XKR4: variants seen among roughly 807,000 people sequenced by gnomAD.
XKR4 encodes XK related 4, also known as XK-related protein 4.
XKR4 carries 12 observed loss-of-function variants against 53.9 expected under a neutral mutation model. The observed-to-expected ratio is 0.22, with a 90% CI of 0.14 to 0.36. The LOEUF (loss-of-function observed/expected upper bound fraction) is 0.36, where lower values mean the gene tolerates loss of function less well. Ranked by LOEUF, XKR4 falls within the 10% of genes least tolerant of loss-of-function variation. The pLI, the probability that XKR4 is intolerant of heterozygous loss-of-function variation, is 1.00. For missense variants in XKR4, 799 were observed against 859.5 expected (o/e 0.93, Z 0.88); for synonymous variants, 354 against 362.4 (o/e 0.98, Z 0.26).
At chr8:55,463,891 T>A (rs994884274) in intron 2 of XKR4, among the ~76,000 whole-genome samples, 1 of 152,060 alleles carries the variant, frequency 6.6e-6, no homozygotes, top group Non-Finnish European at 1.5e-5. Flanking sequence ...ATGGATAAAT[T>A]CCTCGACACA....
rs1268920974 is a variant in XKR4, at chr8:55,296,889, A to T, written c.807-60789A>T. On this transcript the variant is annotated intron_variant, in intron 1 of 2. Coordinates refer to ENST00000327381, the MANE Select transcript of XKR4 (RefSeq NM_052898.2). ...AAAAGAAATAACAAAATTGTATATTATACAAGAAAGAATAAGGGCCATCAG... is the reference window on the plus strand; with the variant it reads ...AAAAGAAATAACAAAATTGTATATTTTACAAGAAAGAATAAGGGCCATCAG... 7.9e-5 allele frequency among the ~76,000 whole-genome samples: 12 copies of T among 152,346 alleles called. No individual in the cohort carries two copies. The South Asian group carries it at 1.4e-3, about 18-fold the overall frequency.
chr8:55,376,933 TACAC>T (rs1804159791), intron 2 of XKR4, among the ~76,000 whole-genome samples: 1 of 135,922 alleles, frequency 7.4e-6, no homozygotes. Context: ...CCCCTCTCCA[TACAC>T]ACACACAAAC....
At chr8:55,228,579 G>GA (rs147518813) in intron 1 of XKR4, among the ~76,000 whole-genome samples, 86 of 148,076 alleles carry the variant, frequency 5.8e-4, no homozygotes, top group Admixed American at 1.3e-3. Context: ...TCCCCACAAA[G>GA]AAAAAAAAAA....
At chr8:55,448,446 C>A (rs1301171726) in intron 2 of XKR4, among the ~76,000 whole-genome samples, 2 of 152,196 alleles carry the variant, frequency 1.3e-5, no homozygotes, top group African/African-American at 2.4e-5. Context: ...TCCAGGCAAA[C>A]CCATGCTACT....
chr8:55,342,436 C>T (rs993648936), intron 1 of XKR4, among the ~76,000 whole-genome samples: 1 of 152,138 alleles, frequency 6.6e-6, no homozygotes, highest in Non-Finnish European at 1.5e-5. Flanking sequence ...ATGTTGGCCT[C>T]ACTGTGCTCC....
intron 1 of XKR4, among the ~76,000 whole-genome samples, chr8:55,162,306 C>T (rs1404401277): frequency 1.3e-5 from 2 of 152,170 alleles, no homozygotes; most frequent in Admixed American, 1.3e-4. Context: ...CCAGCACTGT[C>T]CAGCACTGTG....
chr8:55,523,329 C>T lies in XKR4; in HGVS notation c.1055C>T (p.Ser352Phe), dbSNP rs1194524532. 1 of 1,614,022 alleles carries T rather than the reference C, an allele frequency of 6.2e-7. No homozygotes were observed. The highest frequency in any genetic ancestry group is 8.5e-7 in the Non-Finnish European group (1 of 1,179,910). Residue 352 changes from serine (S) to phenylalanine (F), a missense_variant, in exon 3 of 3, where the codon TCC becomes TTC. Physicochemically the swap from Ser to Phe is radical, Grantham distance 155. Coordinates refer to ENST00000327381, the MANE Select transcript of XKR4 (RefSeq NM_052898.2). The stretch of plus-strand genomic sequence containing the variant: ...GTGTCCCTGGCCTGGGCCTTGGCCT[C>T]CTACCAGAAGGCCCTCCGGGACTCT... ...SLVSLAWALA[S>F]YQKALRDSRD... is the part of the protein sequence containing the mutation.
At chr8:55,491,977 C>T (rs888953152) in intron 2 of XKR4, among the ~76,000 whole-genome samples, 1 of 152,184 alleles carries the variant, frequency 6.6e-6, no homozygotes, top group African/African-American at 2.4e-5. Context: ...TTGCACCACT[C>T]CCTGCTCTCC....
At chr8:55,346,883 C>T (rs1301556643) in intron 1 of XKR4, among the ~76,000 whole-genome samples, 1 of 151,968 alleles carries the variant, frequency 6.6e-6, no homozygotes, top group Non-Finnish European at 1.5e-5. Context: ...GTTTAATGTA[C>T]AAAAGATAGC....
At chr8:55,119,468 A>G (rs527949451) in intron 1 of XKR4, among the ~76,000 whole-genome samples, 40 of 152,214 alleles carry the variant, frequency 2.6e-4, no homozygotes, top group Admixed American at 7.2e-4. Context: ...TGTTGTGTAG[A>G]GGGCTGAAAT....
At chr8:55,248,629 T>G (rs560753404) in intron 1 of XKR4, among the ~76,000 whole-genome samples, 8 of 152,382 alleles carry the variant, frequency 5.2e-5, no homozygotes, top group African/African-American at 1.9e-4. Flanking sequence ...CTTCAGAGGT[T>G]TTCTAACTTT....
At chr8:55,475,145 A>G (rs576992726) in intron 2 of XKR4, among the ~76,000 whole-genome samples, 1 of 152,266 alleles carries the variant, frequency 6.6e-6, no homozygotes, top group South Asian at 2.1e-4. Flanking sequence ...AAGGGAAATG[A>G]CTGCTGATAA....
At chr8:55,174,440 G>A (rs1817203251) in intron 1 of XKR4, among the ~76,000 whole-genome samples, 1 of 152,154 alleles carries the variant, frequency 6.6e-6, no homozygotes, top group Non-Finnish European at 1.5e-5. Context: ...TAGAGGAAAA[G>A]GATGGGGACT....
chr8:55,237,253 C>G (rs1026846071), intron 1 of XKR4, among the ~76,000 whole-genome samples: 3 of 152,206 alleles, frequency 2.0e-5, no homozygotes, highest in Non-Finnish European at 4.4e-5. Flanking sequence ...ATCAACCCCC[C>G]ACAAAGTCAA....
chr8:55,340,391 A>C (rs2129382027), intron 1 of XKR4, among the ~76,000 whole-genome samples: 1 of 152,356 alleles, frequency 6.6e-6, no homozygotes, highest in African/African-American at 2.4e-5. Context: ...TTACATTTAG[A>C]ATGATGAGTT....
intron 2 of XKR4, among the ~76,000 whole-genome samples, chr8:55,486,454 T>C (rs554112594): frequency 6.6e-6 from 1 of 152,212 alleles, no homozygotes; most frequent in Non-Finnish European, 1.5e-5. Flanking sequence ...TGAAGTCAAA[T>C]TTGCAAAAAT....
chr8:55,400,779 G>A (rs1804587671), intron 2 of XKR4, among the ~76,000 whole-genome samples: 2 of 152,164 alleles, frequency 1.3e-5, no homozygotes, highest in East Asian at 1.9e-4. Context: ...CCAAAATCTG[G>A]GGTGGTCGTG....
chr8:55,273,251 T>C (rs62519063), intron 1 of XKR4, among the ~76,000 whole-genome samples: 36,145 of 151,806 alleles, frequency 0.24, 4,640 homozygotes, highest in East Asian at 0.48. Flanking sequence ...ACTGAAACCA[T>C]CTTTGCAAAA....
At chr8:55,389,012 A>G (rs549688408) in intron 2 of XKR4, among the ~76,000 whole-genome samples, 17 of 152,122 alleles carry the variant, frequency 1.1e-4, no homozygotes, top group Non-Finnish European at 2.4e-4. Flanking sequence ...AGGGTGGGGG[A>G]TCATAATTTA....
Sources: allele counts gnomAD v4.1 joint callset (sites outside exome capture counted in the v4.1 genomes callset), GRCh38; gene constraint gnomAD v4.1.1; transcripts MANE v1.5; gene names NCBI Gene and HGNC (gene_info 2026-07-23, HGNC 2026-07-21).